The following METTL2A variants were observed in gnomAD, a reference collection of about 807,000 sequenced individuals.
METTL2A encodes methyltransferase 2A, tRNA N3-cytidine.
METTL2A carries 45 observed loss-of-function variants against 49.4 expected under a neutral mutation model. The ratio of observed to expected loss-of-function variants is 0.91; its 90% CI spans 0.72 to 1.17. The LOEUF is 1.17. METTL2A is among the 50% of genes most tolerant of loss of function. The pLI is 0.00. For synonymous variants in METTL2A, 118 were observed against 167.5 expected (o/e 0.70, Z 2.28); for missense variants, 361 against 462.2 (o/e 0.78, Z 2.01).
chr17:62,435,384 T>C, intron 5 of METTL2A, 92 bp downstream of exon 5: 4 of 1,564,302 alleles, frequency 2.6e-6, no homozygotes, highest in African/African-American at 1.3e-5. Flanking sequence ...TGTGTTCTTA[T>C]ACAGTCTGTG....
rs142395891 is a variant in METTL2A, at chr17:62,446,896, G to A, written c.917-805G>A. Reference sequence around the variant, plus strand: ...CAGGGAAATAAGTACACACTTGTGTGATGATTTGGGCATTCAGGAAGGTCT... The same window carrying A: ...CAGGGAAATAAGTACACACTTGTGTAATGATTTGGGCATTCAGGAAGGTCT... On this transcript the variant is annotated intron_variant, in intron 7 of 8. Transcript: ENST00000311506. 1.3e-3 allele frequency among the ~76,000 whole-genome samples: 196 copies of A among 152,308 alleles called. 1 individual carries two copies. The highest frequency in any genetic ancestry group is 3.4e-3 in the Middle Eastern group (1 of 294).
At chr17:62,433,998 A>T (rs1288161849) in intron 4 of METTL2A, among the ~76,000 whole-genome samples, 1 of 152,088 alleles carries the variant, frequency 6.6e-6, no homozygotes, top group African/African-American at 2.4e-5. Flanking sequence ...GGAGGCAAAG[A>T]CTGCAATGAG....
intron 6 of METTL2A, among the ~76,000 whole-genome samples, chr17:62,443,031 C>T (rs190287760): frequency 3.5e-4 from 53 of 152,266 alleles, no homozygotes; most frequent in African/African-American, 1.2e-3. Context: ...GAAATAAAGG[C>T]ATATGCAGGA....
intron 6 of METTL2A, 113 bp downstream of exon 6, chr17:62,440,869 G>A (rs373677121): frequency 8.1e-6 from 11 of 1,354,362 alleles, no homozygotes; most frequent in African/African-American, 4.4e-5. Context: ...GCAGTGGCAC[G>A]ATCATGGCTC....
chr17:62,426,214 A>G (rs2070625162), intron 2 of METTL2A, 85 bp from the exon 3 acceptor site: 1 of 1,344,314 alleles, frequency 7.4e-7, no homozygotes, highest in South Asian at 1.5e-5. Flanking sequence ...TTAAAGTGAC[A>G]TTTGGTAAAG....
Position 62,442,321 on chromosome 17 carries a change from G to A in METTL2A, c.809+1565G>A, listed in dbSNP as rs1409917598. 2.0e-5 allele frequency among the ~76,000 whole-genome samples: 3 copies of A among 151,882 alleles called. No individual in the cohort carries two copies. The South Asian group carries it at 6.2e-4, about 32-fold the overall frequency. ...GATGGAGTCTCACTCTGTTGCCCAG[G>A]CTGGAGTGCAGTGGTGAGATTTCAG... On this transcript the variant is annotated intron_variant, in intron 6 of 8. Coordinates refer to ENST00000311506, the MANE Select transcript of METTL2A (RefSeq NM_181725.4).
chr17:62,440,610 T>C lies in METTL2A; in HGVS notation c.670-7T>C. On this transcript the variant is annotated splice_region_variant and splice_polypyrimidine_tract_variant and intron_variant, in intron 5 of 8. Transcript: ENST00000311506. Reference sequence around the variant, plus strand: ...CTAACTTACCTGTGTCTTCCATCTGTCTGCAGACAAATTCAGAATATGATC... The same window carrying C: ...CTAACTTACCTGTGTCTTCCATCTGCCTGCAGACAAATTCAGAATATGATC... 4 of 1,607,634 alleles carry C rather than the reference T, an allele frequency of 2.5e-6. No homozygotes were observed. Among genetic ancestry groups the C allele is most frequent in the Middle Eastern group, 1.7e-4 (1 of 6,010 alleles).
At chr17:62,424,788 C>T (rs2070612080) in intron 2 of METTL2A, among the ~76,000 whole-genome samples, 1 of 151,416 alleles carries the variant, frequency 6.6e-6, no homozygotes, top group South Asian at 2.1e-4. Flanking sequence ...GGGCTTTAGT[C>T]AAGGAAAGGT....
intron 4 of METTL2A, among the ~76,000 whole-genome samples, chr17:62,430,902 G>A (rs186859559): frequency 1.3e-5 from 2 of 152,186 alleles, no homozygotes; most frequent in East Asian, 3.9e-4. Context: ...TTTTGCTCTT[G>A]TTGCCCAGGC....
intron 4 of METTL2A, among the ~76,000 whole-genome samples, chr17:62,429,324 T>C (rs989781630): frequency 9.2e-5 from 14 of 152,158 alleles, no homozygotes; most frequent in African/African-American, 3.4e-4. Flanking sequence ...AGAGTCTTGC[T>C]TCATCACCCA....
chr17:62,437,569 T>TG (rs2070709163), intron 5 of METTL2A, among the ~76,000 whole-genome samples: 1 of 152,156 alleles, frequency 6.6e-6, no homozygotes, highest in Non-Finnish European at 1.5e-5. Context: ...AAAGTCTAGT[T>TG]AACACAACCT....
At chr17:62,432,935 A>G (rs1289485348) in intron 4 of METTL2A, among the ~76,000 whole-genome samples, 6 of 152,162 alleles carry the variant, frequency 3.9e-5, no homozygotes, top group Non-Finnish European at 5.9e-5. Flanking sequence ...GTGACAGAGC[A>G]AGACCCTGTC....
In METTL2A at chr17:62,448,762, T is replaced by C; in HGVS notation, c.*33T>C. ...CTGCTGCCAACACGATGCAAGCCCA[T>C]TGTGTTTCCGGGCTTTTTTAAAAAA... is the stretch of plus-strand genomic sequence containing the variant. On this transcript the variant is annotated 3_prime_UTR_variant, in exon 9 of 9. Coordinates refer to ENST00000311506, the MANE Select transcript of METTL2A (RefSeq NM_181725.4). 1 of 1,607,854 alleles carries C rather than the reference T, an allele frequency of 6.2e-7. No individual in the cohort carries two copies. Among genetic ancestry groups the C allele is most frequent in the Non-Finnish European group, 8.5e-7 (1 of 1,176,384 alleles).
rs145987398 is a variant in METTL2A at position 62,453,384 on chromosome 17, A to G, written c.*4655A>G. 0.025 allele frequency among the ~76,000 whole-genome samples: 3,780 copies of G among 152,162 alleles called. 152 individuals are homozygous for G. Among genetic ancestry groups the G allele is most frequent in the African/African-American group, 0.086 (3,568 of 41,530 alleles). ...TTAAAAAATAAATACTGTCTCAACT[A>G]TGAGTCTGGCTCTGAATGGTATCTC... is the stretch of plus-strand genomic sequence containing the variant. On this transcript the variant is annotated 3_prime_UTR_variant, in exon 9 of 9. Transcript: ENST00000311506.
At position 62,439,434 on chromosome 17, in the gene METTL2A, GTT is replaced by G. The variant is rs539248659; in HGVS notation, c.670-1179_670-1178del. Among the ~76,000 whole-genome samples, 539 of 145,644 alleles carry G rather than the reference GTT, an allele frequency of 3.7e-3. 2 individuals are homozygous for G. The highest frequency in any genetic ancestry group is 0.013 in the African/African-American group (472 of 37,360). On this transcript the variant is annotated intron_variant, in intron 5 of 8. Transcript: ENST00000311506. The stretch of plus-strand genomic sequence containing the variant: ...GTGCTTTTGGTTTGTTTGTTTGTTT[GTT>G]TTTGTTTTTGTTTTTGAGACGGAGT...
chr17:62,427,209 A>G (rs1275823102), intron 3 of METTL2A, among the ~76,000 whole-genome samples: 1 of 152,200 alleles, frequency 6.6e-6, no homozygotes, highest in African/African-American at 2.4e-5. Context: ...GGAACTGGTC[A>G]GCCTTGGGAT....
In METTL2A at chr17:62,451,934, C is replaced by G. The variant is rs1444621599; in HGVS notation, c.*3205C>G. Among the ~76,000 whole-genome samples the G allele has an allele frequency of 6.7e-6, 1 of 150,052 alleles. No homozygotes were observed. Among genetic ancestry groups the G allele is most frequent in the Non-Finnish European group, 1.5e-5 (1 of 67,842 alleles). ...AATTAGCTGGGCATGGTGGTGGGCG[C>G]CTGTAATCCCAGCTATTTGGGAGGG... On this transcript the variant is annotated 3_prime_UTR_variant, in exon 9 of 9. Transcript: ENST00000311506.
Position 62,440,130 on chromosome 17 carries a change from A to G in METTL2A, c.670-487A>G, listed in dbSNP as rs572528311. ...AACCTCTGCCTCCTGGGTTCAAGCG[A>G]TTCTCCTGCCTCAGCCTCCCGAGTA... On this transcript the variant is annotated intron_variant, in intron 5 of 8. Coordinates refer to ENST00000311506, the MANE Select transcript of METTL2A (RefSeq NM_181725.4). Among the ~76,000 whole-genome samples, 251 of 150,748 alleles carry G rather than the reference A, an allele frequency of 1.7e-3. 1 individual carries two copies. The highest frequency in any genetic ancestry group is 5.8e-3 in the African/African-American group (236 of 40,914).
intron 4 of METTL2A, 70 bp from the exon 5 acceptor site, chr17:62,435,162 C>A (rs1388011136): frequency 1.9e-5 from 30 of 1,606,452 alleles, no homozygotes. Flanking sequence ...TTTAACTGTG[C>A]TACACAAGAA....
Sources: allele counts gnomAD v4.1 joint callset (sites outside exome capture counted in the v4.1 genomes callset), GRCh38; gene constraint gnomAD v4.1.1; transcripts MANE v1.5; gene names NCBI Gene and HGNC (gene_info 2026-07-23, HGNC 2026-07-21).